Variants in FGGY observed in about 807,000 individuals in gnomAD.
FGGY encodes FGGY carbohydrate kinase domain-containing protein.
A neutral mutation model predicts 71.3 loss-of-function variants in FGGY; 72 were observed. The ratio of observed to expected loss-of-function variants is 1.01; its 90% CI spans 0.84 to 1.23. The LOEUF (loss-of-function observed/expected upper bound fraction) is 1.23, where lower values mean the gene tolerates loss of function less well. Ranked by LOEUF, FGGY falls within the 50% of genes most tolerant of loss-of-function variation. FGGY has a pLI of 0.00. For synonymous variants in FGGY, 251 were observed against 250.3 expected, an observed-to-expected ratio of 1.00 and a Z score of -0.02; for missense variants, 668 against 682.3, an observed-to-expected ratio of 0.98 and a Z score of 0.23.
chr1:59,428,444 T>C (rs1396170663), intron 5 of FGGY, among the ~76,000 whole-genome samples: 2 of 152,234 alleles, frequency 1.3e-5, no homozygotes, highest in Admixed American at 6.5e-5. Context: ...TACTTCCCAG[T>C]TGGAGAATAC....
At chr1:59,694,131 T>C (rs2097628377) in intron 14 of FGGY, among the ~76,000 whole-genome samples, 1 of 148,646 alleles carries the variant, frequency 6.7e-6, no homozygotes, top group Non-Finnish European at 1.5e-5. Context: ...CTACTAAAAA[T>C]ACAAAAAATT....
intron 14 of FGGY, among the ~76,000 whole-genome samples, chr1:59,677,285 T>C (rs1280399376): frequency 2.0e-5 from 3 of 152,230 alleles, no homozygotes; most frequent in African/African-American, 2.4e-5. Context: ...GGACCCTGGC[T>C]TGGTTTGCAG....
chr1:59,363,033 T>C (rs933067009), intron 4 of FGGY, among the ~76,000 whole-genome samples: 2 of 152,182 alleles, frequency 1.3e-5, no homozygotes, highest in Non-Finnish European at 2.9e-5. Context: ...AAAAAAGAGC[T>C]AAGGGTCTAG....
At position 59,697,773 on chromosome 1, in the gene FGGY, G is replaced by C. The variant is rs189208378; in HGVS notation, c.1512+23640G>C. The C allele has an allele frequency of 4.7e-5, 52 of 1,118,198 alleles. 2 individuals carry two copies. In the East Asian group the frequency reaches 2.9e-3, roughly 63 times the overall value. The allele number at this position is 1,118,198 out of a possible 1,614,324, so 69.3% of individuals were successfully genotyped here. On this transcript the variant is annotated intron_variant, in intron 14 of 15. Coordinates refer to ENST00000303721, the MANE Select transcript of FGGY (RefSeq NM_018291.5). The stretch of plus-strand genomic sequence containing the variant: ...ACACAAGAGGTAAACAGAATTGCAT[G>C]CTGTGCCCCTCCACATCACCCCCTA...
intron 14 of FGGY, chr1:59,698,914 A>C: frequency 1.0e-6 from 1 of 985,446 alleles, no homozygotes; most frequent in Non-Finnish European, 1.2e-6. Flanking sequence ...CTGATTCCTA[A>C]ATATGCTCCT....
chr1:59,638,509 A>G lies in FGGY; in HGVS notation c.1221+134A>G, dbSNP rs371815695. 98 of 1,003,306 alleles carry G rather than the reference A, an allele frequency of 9.8e-5. 1 individual carries two copies. Among genetic ancestry groups the G allele is most frequent in the East Asian group, 5.7e-4 (23 of 40,044 alleles). The allele number at this position is 1,003,306 out of a possible 1,614,324, so 62.2% of individuals were successfully genotyped here. On this transcript the variant is annotated intron_variant, in intron 11 of 15. Transcript: ENST00000303721. Reference sequence around the variant, plus strand: ...CAGCCCTCTGGCTTTGTGCAGATGCATTGCTGTTGCTGCTCCCTGGGATGA... The same window carrying G: ...CAGCCCTCTGGCTTTGTGCAGATGCGTTGCTGTTGCTGCTCCCTGGGATGA...
intron 14 of FGGY, among the ~76,000 whole-genome samples, chr1:59,749,487 T>C (rs2098227358): frequency 6.6e-6 from 1 of 152,122 alleles, no homozygotes; most frequent in African/African-American, 2.4e-5. Context: ...AGTTGGAGAA[T>C]TGGTGAGTGT....
intron 5 of FGGY, among the ~76,000 whole-genome samples, chr1:59,454,426 A>G (rs1418324232): frequency 6.6e-6 from 1 of 152,208 alleles, no homozygotes; most frequent in Non-Finnish European, 1.5e-5. Flanking sequence ...TTAGAGATGT[A>G]TGTTGCTTAA....
chr1:59,363,391 A>G (rs1321576262), intron 4 of FGGY, among the ~76,000 whole-genome samples: 3 of 152,222 alleles, frequency 2.0e-5, no homozygotes, highest in African/African-American at 4.8e-5. Flanking sequence ...AGTGCTTACT[A>G]TGTGCCAGGT....
At chr1:59,621,379 C>T (rs1021750492) in intron 9 of FGGY, among the ~76,000 whole-genome samples, 1 of 137,914 alleles carries the variant, frequency 7.3e-6, no homozygotes. Context: ...ATTTTTATTG[C>T]TTTTCCTTTC....
chr1:59,475,216 C>T (rs988577904), intron 6 of FGGY, among the ~76,000 whole-genome samples: 2 of 152,178 alleles, frequency 1.3e-5, no homozygotes, highest in African/African-American at 2.4e-5. Context: ...AATTAGATTT[C>T]TGCTTCTAAA....
At chr1:59,548,106 C>T (rs2153697477) in intron 7 of FGGY, among the ~76,000 whole-genome samples, 1 of 152,238 alleles carries the variant, frequency 6.6e-6, no homozygotes, top group South Asian at 2.1e-4. Context: ...GTCGGTTCTG[C>T]TGGTCTGGGG....
At chr1:59,542,865 CCCTCAAAGT>C (rs1182878144) in intron 7 of FGGY, among the ~76,000 whole-genome samples, 1 of 152,080 alleles carries the variant, frequency 6.6e-6, no homozygotes, top group African/African-American at 2.4e-5. Flanking sequence ...GGAAGTGTCT[CCCTCAAAGT>C]CAGTGCCCTC....
chr1:59,478,900 A>G (rs778092802), intron 6 of FGGY, among the ~76,000 whole-genome samples: 8 of 152,206 alleles, frequency 5.3e-5, no homozygotes, highest in Admixed American at 1.3e-4. Flanking sequence ...ATCTCCAAGG[A>G]TGCTGAAAAA....
chr1:59,664,857 T>G (rs569715761), intron 12 of FGGY, among the ~76,000 whole-genome samples: 1 of 152,354 alleles, frequency 6.6e-6, no homozygotes, highest in East Asian at 1.9e-4. Flanking sequence ...TAAGACCACA[T>G]TTTTAATTTT....
At chr1:59,591,624 A>T (rs1297929577) in intron 8 of FGGY, among the ~76,000 whole-genome samples, 1 of 152,198 alleles carries the variant, frequency 6.6e-6, no homozygotes, top group Non-Finnish European at 1.5e-5. Flanking sequence ...GAGCCCTCAG[A>T]AATAACACCG....
At chr1:59,570,905 T>G (rs1209785998) in intron 8 of FGGY, among the ~76,000 whole-genome samples, 2 of 152,188 alleles carry the variant, frequency 1.3e-5, no homozygotes, top group Admixed American at 6.5e-5. Flanking sequence ...GTGAATAATT[T>G]GGGACACAGG....
chr1:59,476,675 G>A (rs2093279467), intron 6 of FGGY, among the ~76,000 whole-genome samples: 1 of 152,226 alleles, frequency 6.6e-6, no homozygotes, highest in Non-Finnish European at 1.5e-5. Flanking sequence ...AAGCAGTTGA[G>A]CAGTTTTGGG....
At chr1:59,409,995 C>G (rs1256352509) in intron 5 of FGGY, among the ~76,000 whole-genome samples, 1 of 152,110 alleles carries the variant, frequency 6.6e-6, no homozygotes, top group Non-Finnish European at 1.5e-5. Flanking sequence ...GTAGGTGACA[C>G]CAGGATTTGA....
Sources: allele counts gnomAD v4.1 joint callset (sites outside exome capture counted in the v4.1 genomes callset), GRCh38; gene constraint gnomAD v4.1.1; transcripts MANE v1.5; gene names NCBI Gene and HGNC (gene_info 2026-07-23, HGNC 2026-07-21).